The following SLC1A1 variants were observed in gnomAD, a reference collection of about 807,000 sequenced individuals.
SLC1A1 encodes solute carrier family 1 member 1.
A neutral mutation model predicts 53.3 loss-of-function variants in SLC1A1; 43 were observed. The ratio of observed to expected loss-of-function variants is 0.81; its 90% CI spans 0.63 to 1.04. The LOEUF is 1.04. Among genes scored for constraint, SLC1A1 ranks in the 50% least tolerant of loss-of-function variants. The pLI is 0.00. For synonymous variants in SLC1A1, 307 were observed against 243.2 expected (o/e 1.26, Z -2.44); for missense variants, 748 against 664.9 (o/e 1.12, Z -1.37).
At chr9:4,565,955 T>C (rs1819445392) in intron 4 of SLC1A1, 92 bp from the exon 5 acceptor site, 1 of 981,618 alleles carries the variant, frequency 1.0e-6, no homozygotes, top group Non-Finnish European at 1.7e-6. Context: ...AGAGTACTAG[T>C]TTTATGTTAT....
chr9:4,539,905 G>T lies in SLC1A1; in HGVS notation c.92-4662G>T, dbSNP rs994820475. 2.0e-5 allele frequency among the ~76,000 whole-genome samples: 3 copies of T among 152,268 alleles called. No individual in the cohort carries two copies. In the South Asian group the frequency reaches 6.2e-4, roughly 32 times the overall value. ...ACTTATATTTAGCATAAAAGCTGGA[G>T]AAAGCGATAGGGACAGGAGGCAGAG... On this transcript the variant is annotated intron_variant, in intron 1 of 11. Transcript: ENST00000262352.
intron 1 of SLC1A1, among the ~76,000 whole-genome samples, chr9:4,516,606 G>A (rs889369819): frequency 1.3e-5 from 2 of 152,072 alleles, no homozygotes; most frequent in Non-Finnish European, 2.9e-5. Flanking sequence ...TCACTTTCCT[G>A]CCTATAAACA....
Position 4,583,020 on chromosome 9 carries a change from G to T in SLC1A1, c.1194-18G>T. Reference sequence around the variant, plus strand: ...GAGGTAAGTGTCTAACTCCTTTCCTGCTGGTATGTTTCTGCAGTATCACGG... The same window carrying T: ...GAGGTAAGTGTCTAACTCCTTTCCTTCTGGTATGTTTCTGCAGTATCACGG... On this transcript the variant is annotated intron_variant, in intron 10 of 11. Transcript: ENST00000262352. The surrounding 1 kb of genome is among the most constrained non-coding windows in gnomAD (Gnocchi z 4.6). 6.2e-7 allele frequency: 1 copy of T among 1,614,192 alleles called. No individual in the cohort carries two copies.
intron 1 of SLC1A1, among the ~76,000 whole-genome samples, chr9:4,518,911 G>C (rs1057103596): frequency 1.3e-5 from 2 of 152,172 alleles, no homozygotes; most frequent in African/African-American, 4.8e-5. Context: ...AAGGCACATA[G>C]AGGCTGTCCT....
chr9:4,493,796 C>A (rs961464870), intron 1 of SLC1A1, among the ~76,000 whole-genome samples: 1 of 152,080 alleles, frequency 6.6e-6, no homozygotes, highest in Non-Finnish European at 1.5e-5. Context: ...TTCAGTAGCC[C>A]TAATACTTTG....
Position 4,564,393 on chromosome 9 carries a change from T to A in SLC1A1, c.375T>A (p.Gly125=), listed in dbSNP as rs999993011. The A allele has an allele frequency of 3.7e-6, 6 of 1,613,654 alleles. No individual in the cohort carries two copies. The African/African-American group carries it at 6.7e-5, about 18-fold the overall frequency. Residue 125 remains glycine, a synonymous_variant, in exon 4 of 12, where the codon GGT becomes GGA. Transcript: ENST00000262352. The stretch of plus-strand genomic sequence containing the variant: ...AGCCTGGTGTCACCCAGAAAGTGGG[T>A]GAAATTGCGAGGACAGGCAGCACCC... ...SIKPGVTQKV[G]EIARTGSTPE... is the part of the protein sequence containing the mutation.
At chr9:4,540,727 C>T (rs1042399969) in intron 1 of SLC1A1, among the ~76,000 whole-genome samples, 2 of 152,214 alleles carry the variant, frequency 1.3e-5, no homozygotes, top group Non-Finnish European at 2.9e-5. Flanking sequence ...CAGCTAGATC[C>T]AGCACCCGTG....
At chr9:4,510,227 T>C (rs1820954806) in intron 1 of SLC1A1, among the ~76,000 whole-genome samples, 1 of 152,212 alleles carries the variant, frequency 6.6e-6, no homozygotes, top group Non-Finnish European at 1.5e-5. Context: ...TCTAGCTATA[T>C]ACCAGCAGGA....
At chr9:4,565,399 C>A (rs7861103) in intron 4 of SLC1A1, among the ~76,000 whole-genome samples, 3 of 151,992 alleles carry the variant, frequency 2.0e-5, no homozygotes, top group African/African-American at 7.3e-5. Context: ...TAATTTATAA[C>A]GGGAAGAGGC....
At chr9:4,519,130 G>C (rs915646504) in intron 1 of SLC1A1, among the ~76,000 whole-genome samples, 1 of 152,158 alleles carries the variant, frequency 6.6e-6, no homozygotes, top group Non-Finnish European at 1.5e-5. Flanking sequence ...TAAAACTTTG[G>C]TTTCTGTTTG....
At chr9:4,558,134 T>C (rs189657565) in intron 2 of SLC1A1, among the ~76,000 whole-genome samples, 34 of 152,346 alleles carry the variant, frequency 2.2e-4, no homozygotes, top group East Asian at 1.9e-4. Context: ...AGATATTTTA[T>C]GGTCATTAAG....
At chr9:4,576,870 C>T in intron 10 of SLC1A1, 107 bp downstream of exon 10, 1 of 1,034,452 alleles carries the variant, frequency 9.7e-7, no homozygotes, top group Non-Finnish European at 1.5e-6. Context: ...AATTCTTTTT[C>T]TTGATCTATA....
At chr9:4,580,323 G>C (rs1564066559) in intron 10 of SLC1A1, among the ~76,000 whole-genome samples, 1 of 152,184 alleles carries the variant, frequency 6.6e-6, no homozygotes, top group African/African-American at 2.4e-5. Context: ...GCTCACACCT[G>C]TAATATCAGC....
chr9:4,520,761 A>G (rs1049765374), intron 1 of SLC1A1, among the ~76,000 whole-genome samples: 2 of 152,210 alleles, frequency 1.3e-5, no homozygotes, highest in Admixed American at 1.3e-4. Context: ...CATGTTTTCA[A>G]TTCCAGAGGC....
At position 4,583,882 on chromosome 9, in the gene SLC1A1, T is replaced by TCTCTCTCA. The variant is rs1423949414; in HGVS notation, c.1328+711_1328+712insTCTCTCAC. On this transcript the variant is annotated intron_variant, in intron 11 of 11. Coordinates refer to ENST00000262352, the MANE Select transcript of SLC1A1 (RefSeq NM_004170.6). The surrounding 1 kb of genome is among the most constrained non-coding windows in gnomAD (Gnocchi z 4.6). ...CTCTCTCTCTCTCTCTCTCTCTCTC[T>TCTCTCTCA]CACACACACACACACACACACACAC... 5.6e-3 allele frequency among the ~76,000 whole-genome samples: 771 copies of TCTCTCTCA among 136,950 alleles called. 4 individuals carry two copies. The highest frequency in any genetic ancestry group is 0.02 in the East Asian group (97 of 4,854). The allele number at this position is 136,950 out of a possible 152,430, so 89.8% of individuals were successfully genotyped here.
intron 10 of SLC1A1, among the ~76,000 whole-genome samples, chr9:4,579,113 A>G (rs993826787): frequency 6.6e-6 from 1 of 152,130 alleles, no homozygotes; most frequent in African/African-American, 2.4e-5. Flanking sequence ...AAAATACACC[A>G]TTTGGCACAC....
intron 9 of SLC1A1, among the ~76,000 whole-genome samples, 154 bp from the exon 10 acceptor site, chr9:4,576,415 T>C (rs1244535647): frequency 6.6e-6 from 1 of 152,230 alleles, no homozygotes; most frequent in Admixed American, 6.5e-5. Context: ...TTTGGATCCT[T>C]TGTTTCATTT....
At chr9:4,535,778 T>A (rs1816652313) in intron 1 of SLC1A1, among the ~76,000 whole-genome samples, 3 of 152,096 alleles carry the variant, frequency 2.0e-5, no homozygotes, top group Admixed American at 2.0e-4. Context: ...AGAACAAAGC[T>A]GGAGGCATCA....
intron 1 of SLC1A1, among the ~76,000 whole-genome samples, chr9:4,538,623 C>T (rs549402328): frequency 1.3e-5 from 2 of 152,178 alleles, no homozygotes; most frequent in Non-Finnish European, 2.9e-5. Flanking sequence ...TTATTGCAGG[C>T]AGAGCTGCTA....
Sources: gnomAD v4.1 joint callset for allele counts (sites outside exome capture counted in the v4.1 genomes callset) on GRCh38, gnomAD v4.1.1 for gene constraint, Gnocchi (gnomAD v3.1) non-coding constraint, MANE v1.5 for transcripts, NCBI Gene and HGNC (gene_info 2026-07-23, HGNC 2026-07-21) for gene names.